CDK5: variants seen among roughly 807,000 people sequenced by gnomAD.
CDK5 encodes cyclin dependent kinase 5.
Under a neutral mutation model 44.6 loss-of-function variants are expected in CDK5, and 18 were observed. That is an observed-to-expected ratio of 0.40 (90% CI 0.28 to 0.60). The LOEUF is 0.60. CDK5 is among the 20% of genes least tolerant of loss of function. The pLI, the probability that CDK5 is intolerant of heterozygous loss-of-function variation, is 0.38. For synonymous variants in CDK5, 143 were observed against 152.8 expected (o/e 0.94, Z 0.47); for missense variants, 198 against 368.1 (o/e 0.54, Z 3.78).
Position 151,053,919 on chromosome 7 carries a change from C to T in CDK5, c.*90G>A. The T allele has an allele frequency of 3.4e-6, 4 of 1,167,072 alleles. No individual in the cohort carries two copies. In the South Asian group the frequency reaches 5.6e-5, roughly 16 times the overall value. 72.3% of individuals were successfully genotyped at this position (1,167,072 alleles called of 1,614,324 possible). ...GGCTGGGCCCAGCACTGCTGGAGCA[C>T]AGCGCACCAGGCACCCCCACTGTCT... On this transcript the variant is annotated 3_prime_UTR_variant, in exon 12 of 12. Coordinates refer to ENST00000485972, the MANE Select transcript of CDK5 (RefSeq NM_004935.4).
chr7:151,055,173 C>T (rs1646356959), intron 8 of CDK5, 77 bp from the exon 9 acceptor site: 3 of 1,567,784 alleles, frequency 1.9e-6, no homozygotes, highest in Non-Finnish European at 2.6e-6. Flanking sequence ...CCTTCCAGCT[C>T]CAGTCCCAGG....
rs1796898463 is a variant in CDK5 at position 151,056,565 on chromosome 7, C to T, written c.312+15G>A. On this transcript the variant is annotated intron_variant, in intron 5 of 11. Transcript: ENST00000485972. This position sits in a 1 kb window ranked among gnomAD's most constrained non-coding sequence, Gnocchi z 4.7. ...GACCCCAGCCTGAGGGGTCCCCCAA[C>T]ACCACTCTCCTCACCTTTACAATCT... 3.1e-6 allele frequency: 5 copies of T among 1,608,902 alleles called. No homozygotes were observed. The highest frequency in any genetic ancestry group is 4.2e-6 in the Non-Finnish European group (5 of 1,177,150).
At position 151,054,158 on chromosome 7, in the gene CDK5, C is replaced by T; in HGVS notation, c.792+54G>A. ...GGTCACTGCCCAGAGCCCTGCCTTC[C>T]TGTAGTCCCACTGGGCAAGTGTCCT... On this transcript the variant is annotated intron_variant, in intron 11 of 11. Coordinates refer to ENST00000485972, the MANE Select transcript of CDK5 (RefSeq NM_004935.4). This position sits in a 1 kb window ranked among gnomAD's most constrained non-coding sequence, Gnocchi z 5.7. 1.3e-6 allele frequency: 2 copies of T among 1,591,830 alleles called. No homozygotes were observed. The highest frequency in any genetic ancestry group is 2.3e-5 in the South Asian group (2 of 88,116).
rs1796878519 is a variant in CDK5 at position 151,055,559 on chromosome 7, C to T, written c.456G>A (p.Gly152=). The T allele has an allele frequency of 6.2e-7, 1 of 1,613,812 alleles. No homozygotes were observed. Among genetic ancestry groups the T allele is most frequent in the Non-Finnish European group, 8.5e-7 (1 of 1,179,850 alleles). ...CAGCTGAGTAACAGCGGACGGGAAT[C>T]CCAAAGGCTCGAGCCAGGCCAAAAT... ...LADFGLARAF[G]IPVRCYSAEV... Residue 152 remains glycine (G), a synonymous_variant, in exon 7 of 12, where the codon GGG becomes GGA. Transcript: ENST00000485972.
Position 151,057,091 on chromosome 7 carries a change from C to T in CDK5, c.107G>A (p.Arg36Lys). The change falls in exon 2 of 12, where the codon AGG becomes AAG. Residue 36 changes from arginine to lysine, a missense_variant. Physicochemically the swap from Arg to Lys is conservative, Grantham distance 26. This residue lies in a region of CDK5 where 53 missense variants were observed against 122.7 expected (regional missense o/e 0.43). Transcript: ENST00000485972. The surrounding 1 kb of genome is among the most constrained non-coding windows in gnomAD (Gnocchi z 5.2). The part of the protein sequence containing the change: ...THEIVALKRV[R>K]LDDDDEGVPS... ...TCCTACCTCATCATCGTCATCCAGC[C>T]TCACCCGTTTCAGAGCCACGATCTC... The T allele has an allele frequency of 6.2e-7, 1 of 1,614,012 alleles. No individual in the cohort carries two copies. Among genetic ancestry groups the T allele is most frequent in the Non-Finnish European group, 8.5e-7 (1 of 1,179,888 alleles).
At position 151,055,552 on chromosome 7, in the gene CDK5, C is replaced by T. The variant is rs763122603; in HGVS notation, c.463G>A (p.Val155Ile). 50 of 1,613,652 alleles carry T rather than the reference C, an allele frequency of 3.1e-5. No homozygotes were observed. The highest frequency in any genetic ancestry group is 1.7e-4 in the Middle Eastern group (1 of 5,984). Residue 155 changes from valine to isoleucine, a missense_variant, in exon 7 of 12, where the codon GTC becomes ATC. Physicochemically the swap from Val to Ile is conservative, Grantham distance 29. Around this residue, in one of 4 missense-constraint regions of CDK5, gnomAD observed 38 missense variants for 115.0 expected, o/e 0.33. Transcript: ENST00000485972. ...CTCACCTCAGCTGAGTAACAGCGGA[C>T]GGGAATCCCAAAGGCTCGAGCCAGG... ...FGLARAFGIPVRCYSAEVVTL... is the reference protein window; with the variant it reads ...FGLARAFGIPIRCYSAEVVTL...
rs2288647 is a variant in CDK5 at position 151,055,516 on chromosome 7, C to T, written c.483+16G>A. ...GGACTCCCTCCCCCAATCCCATATC[C>T]CATCTTCTAGCTCACCTCAGCTGAG... On this transcript the variant is annotated intron_variant, in intron 7 of 11. Coordinates refer to ENST00000485972, the MANE Select transcript of CDK5 (RefSeq NM_004935.4). The T allele has an allele frequency of 2.2e-3, 3,604 of 1,612,078 alleles. 105 individuals carry two copies. In the East Asian group the frequency reaches 0.058, roughly 26 times the overall value.
rs1796919822 is a variant in CDK5 at position 151,057,325 on chromosome 7, GGGA to G, written c.38-168_38-166del. The stretch of plus-strand genomic sequence containing the variant: ...TGAGTGAGGATGTGGCAGGTGGGGA[GGGA>G]GGAGAAGGTGCCCACCGAGGCTCCA... On this transcript the variant is annotated intron_variant, in intron 1 of 11. Transcript: ENST00000485972. This position sits in a 1 kb window ranked among gnomAD's most constrained non-coding sequence, Gnocchi z 5.2. 4 of 670,478 alleles carry G rather than the reference GGGA, an allele frequency of 6.0e-6. No individual in the cohort carries two copies. Among genetic ancestry groups the G allele is most frequent in the South Asian group, 1.7e-5 (1 of 59,718 alleles). 41.5% of individuals were successfully genotyped at this position (670,478 alleles called of 1,614,324 possible). A position where few individuals can be genotyped will look rare whatever the true frequency, so the allele number is the denominator to read the frequency against.
In CDK5 at chr7:151,056,581, T is replaced by G; in HGVS notation, c.311A>C (p.Lys104Thr). 1 of 1,610,964 alleles carries G rather than the reference T, an allele frequency of 6.2e-7. No homozygotes were observed. The highest frequency in any genetic ancestry group is 8.5e-7 in the Non-Finnish European group (1 of 1,178,430). ...CNGDLDPEIV[K>T]SFLFQLLKGL... The stretch of plus-strand genomic sequence containing the variant: ...GTCCCCCAACACCACTCTCCTCACC[T>G]TTACAATCTCAGGATCGAGGTCACC... The change falls in exon 5 of 12, where the codon AAG becomes ACG. Residue 104 changes from lysine (K) to threonine (T), a missense_variant and splice_region_variant. Lys to Thr is a moderately conservative substitution (Grantham distance 78). Coordinates refer to ENST00000485972, the MANE Select transcript of CDK5 (RefSeq NM_004935.4). This position sits in a 1 kb window ranked among gnomAD's most constrained non-coding sequence, Gnocchi z 4.7.
At chr7:151,055,996 C>T (rs1384306776) in intron 5 of CDK5, 148 bp from the exon 6 acceptor site, 1 of 648,302 alleles carries the variant, frequency 1.5e-6, no homozygotes, top group Non-Finnish European at 2.8e-6. Flanking sequence ...CATTCGCCAT[C>T]CAGGACCTGC....
Position 151,056,802 on chromosome 7 carries a change from G to T in CDK5, c.195-6C>A. ...TGTGCAGGACGTCATGAAGCCTAGG[G>T]CAAAAGAAGGGCTCAGCCAGGCAGG... On this transcript the variant is annotated splice_polypyrimidine_tract_variant and splice_region_variant and intron_variant, in intron 3 of 11. Coordinates refer to ENST00000485972, the MANE Select transcript of CDK5 (RefSeq NM_004935.4). This position sits in a 1 kb window ranked among gnomAD's most constrained non-coding sequence, Gnocchi z 4.7. The T allele has an allele frequency of 6.2e-7, 1 of 1,609,486 alleles. No individual in the cohort carries two copies. The highest frequency in any genetic ancestry group is 8.5e-7 in the Non-Finnish European group (1 of 1,177,884).
chr7:151,056,674 T>A lies in CDK5; in HGVS notation c.256-38A>T. ...ATGAGTGGGGGAATGGGACAGAGTT[T>A]AACCTCAATCTGGGCCCCTATACCT... is the stretch of plus-strand genomic sequence containing the variant. On this transcript the variant is annotated intron_variant, in intron 4 of 11. Coordinates refer to ENST00000485972, the MANE Select transcript of CDK5 (RefSeq NM_004935.4). The surrounding 1 kb of genome is among the most constrained non-coding windows in gnomAD (Gnocchi z 4.7). 2 of 1,611,752 alleles carry A rather than the reference T, an allele frequency of 1.2e-6. No individual in the cohort carries two copies. Among genetic ancestry groups the A allele is most frequent in the African/African-American group, 1.3e-5 (1 of 74,996 alleles).
rs1563326992 is a variant in CDK5 at position 151,055,022 on chromosome 7, G to A, written c.650+5C>T. On this transcript the variant is annotated splice_donor_5th_base_variant and intron_variant, in intron 9 of 11. Transcript: ENST00000485972. ...AGGGCTCAAGGCAGAGGAAAGCAAGGATATCGGAAGATCCTCTTCAACTGG... is the reference window on the plus strand; with the variant it reads ...AGGGCTCAAGGCAGAGGAAAGCAAGAATATCGGAAGATCCTCTTCAACTGG... 1 of 1,613,686 alleles carries A rather than the reference G, an allele frequency of 6.2e-7. No homozygotes were observed. Among genetic ancestry groups the A allele is most frequent in the Non-Finnish European group, 8.5e-7 (1 of 1,179,736 alleles).
In CDK5 at chr7:151,056,727, G is replaced by C; in HGVS notation, c.255+9C>G. ...CCAAGGCTACTGTCCTCCAAACCCCGCCTTTCACCTGGTCACAGAATTCAA... is the reference window on the plus strand; with the variant it reads ...CCAAGGCTACTGTCCTCCAAACCCCCCCTTTCACCTGGTCACAGAATTCAA... On this transcript the variant is annotated intron_variant, in intron 4 of 11. Transcript: ENST00000485972. This position sits in a 1 kb window ranked among gnomAD's most constrained non-coding sequence, Gnocchi z 4.7. 1.2e-6 allele frequency: 2 copies of C among 1,612,706 alleles called. No homozygotes were observed. Among genetic ancestry groups the C allele is most frequent in the Non-Finnish European group, 1.7e-6 (2 of 1,179,368 alleles).
Position 151,054,265 on chromosome 7 carries a change from A to T in CDK5, c.739T>A (p.Ser247Thr). The change falls in exon 11 of 12, where the codon TCC becomes ACC. Residue 247 changes from serine (S) to threonine (T), a missense_variant. By Grantham distance (58) the Ser-to-Thr change is moderately conservative. Transcript: ENST00000485972. This position sits in a 1 kb window ranked among gnomAD's most constrained non-coding sequence, Gnocchi z 5.7. ...AGTTTGGGCACGACGTTCACCAGGG[A>T]TGTTGTGGCCGGGTACATCGGATAG... ...KPYPMYPATT[S>T]LVNVVPKLNA... 2 of 1,613,676 alleles carry T rather than the reference A, an allele frequency of 1.2e-6. No homozygotes were observed. The highest frequency in any genetic ancestry group is 1.7e-6 in the Non-Finnish European group (2 of 1,179,754).
In CDK5 at chr7:151,057,682, G is replaced by A; in HGVS notation, c.37+130C>T. ...TGTCTGCACGGAGTGCTGAGCTAGG[G>A]GGCCAGGGCTGCAGCCGCTGCTGAG... On this transcript the variant is annotated intron_variant, in intron 1 of 11. Coordinates refer to ENST00000485972, the MANE Select transcript of CDK5 (RefSeq NM_004935.4). The surrounding 1 kb of genome is among the most constrained non-coding windows in gnomAD (Gnocchi z 5.2). The A allele has an allele frequency of 7.2e-6, 7 of 977,722 alleles. No individual in the cohort carries two copies. Among genetic ancestry groups the A allele is most frequent in the Non-Finnish European group, 1.1e-5 (7 of 630,226 alleles). The allele number at this position is 977,722 out of a possible 1,614,324, so 60.6% of individuals were successfully genotyped here. A position where few individuals can be genotyped will look rare whatever the true frequency, so the allele number is the denominator to read the frequency against.
intron 7 of CDK5, 71 bp from the exon 8 acceptor site, chr7:151,055,444 A>G (rs1271735810): frequency 2.6e-6 from 4 of 1,556,362 alleles, no homozygotes; most frequent in Non-Finnish European, 3.5e-6. Flanking sequence ...GAGGAGGCTC[A>G]GAGAGGAGAG....
chr7:151,057,357 G>A lies in CDK5; in HGVS notation c.38-197C>T, dbSNP rs1051132659. On this transcript the variant is annotated intron_variant, in intron 1 of 11. Transcript: ENST00000485972. This position sits in a 1 kb window ranked among gnomAD's most constrained non-coding sequence, Gnocchi z 5.2. ...GAAGGTGCCCACCGAGGCTCCAGGG[G>A]CTCGGCAGGAGGGGCGAGTGCGGTT... 30 of 624,126 alleles carry A rather than the reference G, an allele frequency of 4.8e-5. No homozygotes were observed. The highest frequency in any genetic ancestry group is 7.3e-5 in the African/African-American group (4 of 54,672). The allele number at this position is 624,126 out of a possible 1,614,324, so 38.7% of individuals were successfully genotyped here.
rs761373694 is a variant in CDK5 at position 151,056,941 on chromosome 7, A to T, written c.161T>A (p.Leu54Gln). The part of the protein sequence containing the change: ...VPSSALREIC[L>Q]LKELKHKNIV... ...GTTCTTGTGCTTCAGCTCCTTGAGT[A>T]GGCAGATCTCCCGGAGGGCGGAACT... The change falls in exon 3 of 12, where the codon CTA becomes CAA. Residue 54 changes from leucine (L) to glutamine (Q), a missense_variant. Physicochemically the swap from Leu to Gln is moderately radical, Grantham distance 113 (BLOSUM62 -2). Transcript: ENST00000485972. This position sits in a 1 kb window ranked among gnomAD's most constrained non-coding sequence, Gnocchi z 4.7. The T allele has an allele frequency of 6.2e-7, 1 of 1,613,548 alleles. No individual in the cohort carries two copies. Among genetic ancestry groups the T allele is most frequent in the Non-Finnish European group, 8.5e-7 (1 of 1,179,690 alleles).
Sources: allele counts gnomAD v4.1 joint callset, GRCh38; gene constraint gnomAD v4.1.1; regional missense constraint gnomAD v4.1.1; non-coding constraint Gnocchi (gnomAD v3.1); transcripts MANE v1.5; gene names NCBI Gene and HGNC (gene_info 2026-07-23, HGNC 2026-07-21).